Variants in TSHZ1 observed in about 807,000 individuals in gnomAD.
The protein encoded by TSHZ1 is teashirt homolog 1.
A neutral mutation model predicts 67.1 loss-of-function variants in TSHZ1; 12 were observed. The observed-to-expected ratio is 0.18, with a 90% CI of 0.11 to 0.29. The LOEUF (loss-of-function observed/expected upper bound fraction) is 0.29. Among genes scored for constraint, TSHZ1 ranks in the 10% least tolerant of loss-of-function variants. The pLI, the probability that TSHZ1 is intolerant of heterozygous loss-of-function variation, is 1.00. For synonymous variants in TSHZ1, 632 were observed against 622.4 expected (o/e 1.02, Z -0.23); for missense variants, 1,305 against 1,413.9 (o/e 0.92, Z 1.23).
intron 1 of TSHZ1, among the ~76,000 whole-genome samples, chr18:75,274,658 C>CA (rs998247839): frequency 6.6e-6 from 1 of 152,180 alleles, no homozygotes; most frequent in Non-Finnish European, 1.5e-5. Context: ...AGGATTGTCA[C>CA]AAATAATTAG....
At chr18:75,279,874 G>A (rs2023663919) in intron 1 of TSHZ1, among the ~76,000 whole-genome samples, 1 of 152,196 alleles carries the variant, frequency 6.6e-6, no homozygotes, top group Admixed American at 6.5e-5. Context: ...GTGAAAGTTT[G>A]CTTCTAGCGA....
intron 1 of TSHZ1, among the ~76,000 whole-genome samples, chr18:75,258,294 A>G (rs887613521): frequency 6.6e-6 from 1 of 152,150 alleles, no homozygotes; most frequent in African/African-American, 2.4e-5. Context: ...TTTTGTACTG[A>G]AATAACATCT....
chr18:75,226,320 A>G (rs1037163670), intron 1 of TSHZ1, among the ~76,000 whole-genome samples: 4 of 152,090 alleles, frequency 2.6e-5, no homozygotes, highest in Non-Finnish European at 4.4e-5. Flanking sequence ...AGAACCTTCT[A>G]TTAATTCCCA....
chr18:75,242,966 C>G (rs948086641), intron 1 of TSHZ1, among the ~76,000 whole-genome samples: 16 of 152,358 alleles, frequency 1.1e-4, no homozygotes, highest in African/African-American at 3.4e-4. Flanking sequence ...GCATGTCACT[C>G]TGCTGTCCCT....
Position 75,288,145 on chromosome 18 carries a change from A to G in TSHZ1, c.2738A>G (p.Glu913Gly). Residue 913 changes from glutamate to glycine, a missense_variant, in exon 2 of 2, where the codon GAG (glutamate) becomes GGG (glycine). Glu to Gly is a moderately conservative substitution (Grantham distance 98). This residue lies in a region of TSHZ1 where 909 missense variants were observed against 961.8 expected (regional missense o/e 0.95). Transcript: ENST00000580243. This position sits in a 1 kb window ranked among gnomAD's most constrained non-coding sequence, Gnocchi z 4.9. ...GCCTCGAGCTTGCGGGAGACCACAG[A>G]GGGCAAGTACATCATGTCGGACTTG... ...QFASSLRETT[E>G]GKYIMSDLGP... 2 of 1,614,128 alleles carry G rather than the reference A, an allele frequency of 1.2e-6. No homozygotes were observed. The highest frequency in any genetic ancestry group is 2.2e-5 in the South Asian group (2 of 91,088).
chr18:75,226,141 G>T (rs118167525), intron 1 of TSHZ1, among the ~76,000 whole-genome samples: 1 of 152,166 alleles, frequency 6.6e-6, no homozygotes, highest in East Asian at 1.9e-4. Flanking sequence ...ACATATGTTT[G>T]CAGTGTACAA....
chr18:75,238,691 A>G (rs1000411162), intron 1 of TSHZ1, among the ~76,000 whole-genome samples: 4 of 152,196 alleles, frequency 2.6e-5, no homozygotes, highest in African/African-American at 7.2e-5. Flanking sequence ...AGAAAAAAGT[A>G]CAAAATCATG....
intron 1 of TSHZ1, among the ~76,000 whole-genome samples, chr18:75,271,283 G>A (rs1230298412): frequency 3.9e-5 from 6 of 152,280 alleles, no homozygotes; most frequent in Non-Finnish European, 8.8e-5. Context: ...GTATCACCTC[G>A]TTAAGTGGGC....
intron 1 of TSHZ1, among the ~76,000 whole-genome samples, chr18:75,278,902 G>T (rs981618351): frequency 4.6e-5 from 7 of 152,300 alleles, no homozygotes; most frequent in Non-Finnish European, 7.4e-5. Flanking sequence ...TCAGTCACAG[G>T]TTTAATATGG....
intron 1 of TSHZ1, among the ~76,000 whole-genome samples, chr18:75,235,784 C>T (rs936523702): frequency 4.6e-5 from 7 of 152,194 alleles, no homozygotes; most frequent in Admixed American, 1.3e-4. Flanking sequence ...TTTTCCAATT[C>T]ATCTCAGCCG....
At chr18:75,224,956 G>A (rs568482648) in intron 1 of TSHZ1, among the ~76,000 whole-genome samples, 39 of 152,212 alleles carry the variant, frequency 2.6e-4, no homozygotes, top group African/African-American at 8.2e-4. Context: ...TGAGTTGGAG[G>A]AAGTCGCCGT....
rs1485224546 is a variant in TSHZ1, at chr18:75,212,971, C to T, written c.40+1055C>T. 3.3e-5 allele frequency among the ~76,000 whole-genome samples: 5 copies of T among 152,216 alleles called. 1 individual carries two copies. Among genetic ancestry groups the T allele is most frequent in the Non-Finnish European group, 7.3e-5 (5 of 68,042 alleles). ...CTAAATAATAGAGTAAATCAACTCTCTCCAAGCTCTTAGGGTAAAAATATT... is the reference window on the plus strand; with the variant it reads ...CTAAATAATAGAGTAAATCAACTCTTTCCAAGCTCTTAGGGTAAAAATATT... On this transcript the variant is annotated intron_variant, in intron 1 of 1. Coordinates refer to ENST00000580243, the MANE Select transcript of TSHZ1 (RefSeq NM_001308210.2).
chr18:75,280,886 C>T (rs2023676409), intron 1 of TSHZ1: 3 of 928,880 alleles, frequency 3.2e-6, no homozygotes, highest in Non-Finnish European at 3.9e-6. Flanking sequence ...AAGGAGATGA[C>T]CTTTGAGCCT....
chr18:75,262,632 T>C (rs1484083715), intron 1 of TSHZ1, among the ~76,000 whole-genome samples: 4 of 152,204 alleles, frequency 2.6e-5, no homozygotes, highest in Non-Finnish European at 4.4e-5. Flanking sequence ...GGTCCTGTTA[T>C]AACAAAAGCA....
chr18:75,280,752 G>A (rs1008501484), intron 1 of TSHZ1: 42 of 985,270 alleles, frequency 4.3e-5, no homozygotes, highest in African/African-American at 5.2e-5. Context: ...ACCCAGAGGC[G>A]CAGGAGCCTG....
At chr18:75,253,645 C>A (rs925685400) in intron 1 of TSHZ1, among the ~76,000 whole-genome samples, 2 of 152,268 alleles carry the variant, frequency 1.3e-5, no homozygotes, top group South Asian at 2.1e-4. Context: ...AAAGTGAAAT[C>A]TTTTCAGAGT....
intron 1 of TSHZ1, among the ~76,000 whole-genome samples, chr18:75,246,876 T>C (rs1359318468): frequency 6.6e-6 from 1 of 152,182 alleles, no homozygotes; most frequent in Non-Finnish European, 1.5e-5. Flanking sequence ...AATAACTGTC[T>C]TAAAAGCAGA....
chr18:75,225,791 C>T (rs1568353444), intron 1 of TSHZ1, among the ~76,000 whole-genome samples: 1 of 152,080 alleles, frequency 6.6e-6, no homozygotes, highest in Non-Finnish European at 1.5e-5. Context: ...AGCGATACCT[C>T]AAAGCCATAC....
In TSHZ1 at chr18:75,211,143, T is replaced by C. The variant is rs985624644; in HGVS notation, c.-734T>C. ...GATCCTGGCGGCCAAGCCCCCCGGG[T>C]GGAAGCGCGGGGCACCAAGTGGCGC... On this transcript the variant is annotated 5_prime_UTR_variant, in exon 1 of 2. Coordinates refer to ENST00000580243, the MANE Select transcript of TSHZ1 (RefSeq NM_001308210.2). 6 of 151,728 alleles carry C rather than the reference T, an allele frequency of 4.0e-5. No individual in the cohort carries two copies. The highest frequency in any genetic ancestry group is 1.5e-4 in the African/African-American group (6 of 41,258). 9.4% of individuals were successfully genotyped at this position (151,728 alleles called of 1,614,324 possible).
Sources: allele counts gnomAD v4.1 joint callset (sites outside exome capture counted in the v4.1 genomes callset), GRCh38; gene constraint gnomAD v4.1.1; regional missense constraint gnomAD v4.1.1; non-coding constraint Gnocchi (gnomAD v3.1); transcripts MANE v1.5; gene names NCBI Gene and HGNC (gene_info 2026-07-23, HGNC 2026-07-21).